The following FBXL17 variants were observed in gnomAD, a reference collection of about 807,000 sequenced individuals.
FBXL17 encodes F-box and leucine rich repeat protein 17.
FBXL17 carries 22 observed loss-of-function variants against 66.2 expected under a neutral mutation model. The observed-to-expected ratio is 0.33, with a 90% CI of 0.24 to 0.47. The LOEUF (loss-of-function observed/expected upper bound fraction) is 0.47. Among genes scored for constraint, FBXL17 ranks in the 20% least tolerant of loss-of-function variants. The probability of loss-of-function intolerance (pLI) is 1.00; values close to 1 mark genes in which losing one functional copy is unlikely to be tolerated. For synonymous variants in FBXL17, 474 were observed against 400.5 expected, an observed-to-expected ratio of 1.18 and a Z score of -2.19; for missense variants, 878 against 948.2, an observed-to-expected ratio of 0.93 and a Z score of 0.97.
At chr5:107,930,248 CCT>C (rs373376917) in intron 7 of FBXL17, among the ~76,000 whole-genome samples, 111 of 152,262 alleles carry the variant, frequency 7.3e-4, no homozygotes, top group African/African-American at 2.4e-3. Context: ...GTCCATTCCC[CCT>C]GTTTCTGGGG....
At chr5:108,266,381 A>G (rs1264580441) in intron 4 of FBXL17, among the ~76,000 whole-genome samples, 1 of 152,108 alleles carries the variant, frequency 6.6e-6, no homozygotes, top group Admixed American at 6.6e-5. Context: ...ATCTTGTGCC[A>G]TCCTGCTCTA....
At chr5:108,361,243 C>T (rs558746555) in intron 3 of FBXL17, among the ~76,000 whole-genome samples, 9 of 152,250 alleles carry the variant, frequency 5.9e-5, no homozygotes, top group Admixed American at 4.6e-4. Context: ...CACTTCCCTA[C>T]GCTTCACTAT....
intron 6 of FBXL17, among the ~76,000 whole-genome samples, chr5:108,112,231 A>G (rs1351325969): frequency 2.6e-5 from 2 of 77,388 alleles, no homozygotes; most frequent in African/African-American, 6.3e-5. Flanking sequence ...CTGGTCACAT[A>G]AAAAAGAAAA....
At chr5:107,931,061 G>A (rs1750717531) in intron 7 of FBXL17, among the ~76,000 whole-genome samples, 2 of 152,104 alleles carry the variant, frequency 1.3e-5, no homozygotes, top group South Asian at 4.1e-4. Context: ...GTTGTGCTGA[G>A]CAGTCGGTTG....
chr5:107,965,026 G>A (rs1262518023), intron 7 of FBXL17, among the ~76,000 whole-genome samples: 1 of 152,014 alleles, frequency 6.6e-6, no homozygotes, highest in Non-Finnish European at 1.5e-5. Flanking sequence ...TACCGCATTT[G>A]ACACCAGGAC....
intron 7 of FBXL17, among the ~76,000 whole-genome samples, chr5:107,902,440 C>A (rs1310278487): frequency 1.3e-5 from 2 of 152,178 alleles, no homozygotes; most frequent in Non-Finnish European, 2.9e-5. Context: ...TCTACTAATG[C>A]AGCTCAGAGT....
At chr5:108,274,447 A>C (rs1757402501) in intron 4 of FBXL17, among the ~76,000 whole-genome samples, 1 of 152,188 alleles carries the variant, frequency 6.6e-6, no homozygotes, top group Non-Finnish European at 1.5e-5. Flanking sequence ...GTTTAAGGTT[A>C]TCTCTCTTGT....
chr5:108,258,479 C>G (rs573554044), intron 4 of FBXL17, among the ~76,000 whole-genome samples: 1 of 151,886 alleles, frequency 6.6e-6, no homozygotes, highest in African/African-American at 2.4e-5. Flanking sequence ...AAAACAGGTA[C>G]GAAAGAAGCA....
At position 107,861,824 on chromosome 5, in the gene FBXL17, A is replaced by T; in HGVS notation, c.2002T>A (p.Tyr668Asn). Residue 668 changes from tyrosine to asparagine, a missense_variant, in exon 9 of 9, where the codon TAC becomes AAC. This residue lies in a region of FBXL17 where 236 missense variants were observed against 389.1 expected (regional missense o/e 0.61). Transcript: ENST00000542267. The part of the protein sequence containing the change: ...EVTVEQLVQQ[Y>N]PHITFSTVLQ... ...ACGGTGCTGAAGGTGATGTGGGGGT[A>T]CTGCTGCACCAGCTGTTCCACCGTC... 1.3e-6 allele frequency: 2 copies of T among 1,560,834 alleles called. No individual in the cohort carries two copies. Among genetic ancestry groups the T allele is most frequent in the Non-Finnish European group, 8.7e-7 (1 of 1,149,382 alleles).
chr5:107,946,455 AATTATTATT>A (rs143145847), intron 7 of FBXL17, among the ~76,000 whole-genome samples: 2 of 140,332 alleles, frequency 1.4e-5, no homozygotes, highest in African/African-American at 2.6e-5. Context: ...CACACCTGCC[AATTATTATT>A]ATTATTATTA....
chr5:108,297,718 A>T (rs1758406611), intron 4 of FBXL17: 1 of 488,286 alleles, frequency 2.0e-6, no homozygotes, highest in Non-Finnish European at 2.7e-6. Flanking sequence ...TACAAAAAAC[A>T]TTAAGCAACT....
intron 6 of FBXL17, among the ~76,000 whole-genome samples, chr5:108,066,592 G>A (rs1463721314): frequency 1.3e-5 from 2 of 151,914 alleles, no homozygotes; most frequent in Non-Finnish European, 2.9e-5. Flanking sequence ...GGTTTCAAGT[G>A]TATAATTTGT....
intron 6 of FBXL17, among the ~76,000 whole-genome samples, chr5:108,084,532 A>T (rs1358567456): frequency 1.3e-5 from 2 of 152,256 alleles, no homozygotes; most frequent in Non-Finnish European, 2.9e-5. Flanking sequence ...CAAATCATGA[A>T]AACTGGTTAA....
At chr5:108,351,015 C>T (rs1373751300) in intron 3 of FBXL17, among the ~76,000 whole-genome samples, 2 of 152,106 alleles carry the variant, frequency 1.3e-5, no homozygotes, top group Non-Finnish European at 2.9e-5. Flanking sequence ...CTATCCCAGG[C>T]AAATCTGCTG....
At chr5:108,132,902 C>T (rs1750991313) in intron 6 of FBXL17, among the ~76,000 whole-genome samples, 1 of 152,110 alleles carries the variant, frequency 6.6e-6, no homozygotes, top group Non-Finnish European at 1.5e-5. Context: ...CATCAGTTTA[C>T]CTCTAACCTG....
At chr5:107,961,987 G>C (rs1751928390) in intron 7 of FBXL17, among the ~76,000 whole-genome samples, 1 of 152,142 alleles carries the variant, frequency 6.6e-6, no homozygotes, top group Non-Finnish European at 1.5e-5. Context: ...ATCAGACAGT[G>C]AAATGCCTTT....
In FBXL17 at chr5:107,894,771, T is replaced by C. The variant is rs374857880; in HGVS notation, c.1823-13592A>G. Among the ~76,000 whole-genome samples, 5 of 152,282 alleles carry C rather than the reference T, an allele frequency of 3.3e-5. No homozygotes were observed. In the East Asian group the frequency reaches 9.6e-4, roughly 29 times the overall value. ...TTTTAAAAATGTATTTGTTTTTACA[T>C]AAATTTAATCAAAATAAAGAGACTG... On this transcript the variant is annotated intron_variant, in intron 7 of 8. Coordinates refer to ENST00000542267, the MANE Select transcript of FBXL17 (RefSeq NM_001163315.3).
At position 108,330,757 on chromosome 5, in the gene FBXL17, T is replaced by G. The variant is rs866603277; in HGVS notation, c.1506+17642A>C. ...ACACGTGCACACACATCATCACACA[T>G]GCACACACATCATTGCACGTGCACA... On this transcript the variant is annotated intron_variant, in intron 4 of 8. Coordinates refer to ENST00000542267, the MANE Select transcript of FBXL17 (RefSeq NM_001163315.3). Among the ~76,000 whole-genome samples, 4 of 152,108 alleles carry G rather than the reference T, an allele frequency of 2.6e-5. No individual in the cohort carries two copies. In the South Asian group the frequency reaches 8.3e-4, roughly 32 times the overall value.
intron 8 of FBXL17, among the ~76,000 whole-genome samples, chr5:107,863,410 T>A (rs1348220876): frequency 3.3e-5 from 5 of 151,322 alleles, no homozygotes; most frequent in Admixed American, 1.3e-4. Flanking sequence ...GCCCCACTTA[T>A]CCATTATGAC....
Sources: gnomAD v4.1 joint callset for allele counts (sites outside exome capture counted in the v4.1 genomes callset) on GRCh38, gnomAD v4.1.1 for gene constraint, gnomAD v4.1.1 regional missense constraint, MANE v1.5 for transcripts, NCBI Gene and HGNC (gene_info 2026-07-23, HGNC 2026-07-21) for gene names.